Variants in LRRC7 observed in about 807,000 individuals in gnomAD.
The protein encoded by LRRC7 is leucine-rich repeat-containing protein 7.
LRRC7 carries 23 observed loss-of-function variants against 175.7 expected under a neutral mutation model. That is an observed-to-expected ratio of 0.13 (90% CI 0.09 to 0.19). LRRC7 has a LOEUF of 0.19. LRRC7 is among the 10% of genes least tolerant of loss of function. LRRC7 has a pLI of 1.00. For synonymous variants in LRRC7, 685 were observed against 680.9 expected (o/e 1.01, Z -0.09); for missense variants, 1,354 against 1,904.7 (o/e 0.71, Z 5.38).
chr1:70,131,533 T>C lies in LRRC7; in HGVS notation c.*9646T>C, dbSNP rs1287409396. Among the ~76,000 whole-genome samples, 1 of 152,258 alleles carries C rather than the reference T, an allele frequency of 6.6e-6. No homozygotes were observed. The highest frequency in any genetic ancestry group is 1.5e-5 in the Non-Finnish European group (1 of 68,046). On this transcript the variant is annotated 3_prime_UTR_variant, in exon 27 of 27. Transcript: ENST00000651989. ...TTAAATGTTTTGTCATTGACTCTTT[T>C]ACTTATACTATTAATATTAATTACT...
At chr1:69,854,087 G>A (rs910449976) in intron 7 of LRRC7, among the ~76,000 whole-genome samples, 16 of 152,222 alleles carry the variant, frequency 1.1e-4, no homozygotes, top group Admixed American at 3.9e-4. Flanking sequence ...TTTGAAACAA[G>A]GATAATTAAC....
intron 8 of LRRC7, among the ~76,000 whole-genome samples, chr1:69,955,838 A>G (rs1456309341): frequency 6.6e-6 from 1 of 151,992 alleles, no homozygotes; most frequent in Non-Finnish European, 1.5e-5. Context: ...TTATAATTTT[A>G]CTAAATTACA....
intron 8 of LRRC7, among the ~76,000 whole-genome samples, chr1:69,946,103 T>G (rs1649277822): frequency 6.6e-6 from 1 of 152,206 alleles, no homozygotes; most frequent in Non-Finnish European, 1.5e-5. Flanking sequence ...TGATGTTAGC[T>G]GTGGGCTTGT....
In LRRC7 at chr1:69,989,177, G is replaced by C. The variant is rs549764373; in HGVS notation, c.931+2791G>C. Among the ~76,000 whole-genome samples the C allele has an allele frequency of 2.6e-5, 4 of 152,170 alleles. No individual in the cohort carries two copies. The South Asian group carries it at 8.3e-4, about 32-fold the overall frequency. ...AAAACCTGAGCTATGACTAAAAATA[G>C]ATGGTTAAGAAAAAGAATCAATTAA... is the stretch of plus-strand genomic sequence containing the variant. On this transcript the variant is annotated intron_variant, in intron 10 of 26. Coordinates refer to ENST00000651989, the MANE Select transcript of LRRC7 (RefSeq NM_001370785.2).
At chr1:69,816,582 C>T (rs1375564949) in intron 4 of LRRC7, among the ~76,000 whole-genome samples, 1 of 152,190 alleles carries the variant, frequency 6.6e-6, no homozygotes, top group African/African-American at 2.4e-5. Flanking sequence ...ACATTTTTGA[C>T]AGTGTCCTTG....
chr1:69,611,051 C>T (rs950205794), intron 1 of LRRC7, among the ~76,000 whole-genome samples: 1 of 151,888 alleles, frequency 6.6e-6, no homozygotes, highest in African/African-American at 2.4e-5. Context: ...GGCAAGTAAA[C>T]ACATTGTGTT....
intron 8 of LRRC7, among the ~76,000 whole-genome samples, chr1:69,935,255 G>T (rs556106956): frequency 2.6e-5 from 4 of 152,128 alleles, no homozygotes; most frequent in African/African-American, 9.6e-5. Context: ...AAGAATAACT[G>T]GGGAGGACTA....
intron 11 of LRRC7, among the ~76,000 whole-genome samples, chr1:70,004,112 A>G (rs1655782634): frequency 1.3e-5 from 2 of 152,212 alleles, no homozygotes; most frequent in African/African-American, 4.8e-5. Context: ...TATGATAATG[A>G]TAGCTGCTTA....
chr1:70,078,792 A>ACG lies in LRRC7; in HGVS notation c.4452+2512_4452+2513dup, dbSNP rs141606062. Among the ~76,000 whole-genome samples, 294 of 146,660 alleles carry ACG rather than the reference A, an allele frequency of 2.0e-3. 1 individual carries two copies. Among genetic ancestry groups the ACG allele is most frequent in the Admixed American group, 0.011 (168 of 14,782 alleles). ...AGTCAAATAATACAGTTCTACATAT[A>ACG]CGCGCGCGCGCGCGCGCGCACACAC... On this transcript the variant is annotated intron_variant, in intron 24 of 26. Coordinates refer to ENST00000651989, the MANE Select transcript of LRRC7 (RefSeq NM_001370785.2).
chr1:69,669,478 A>T (rs21507), intron 1 of LRRC7, among the ~76,000 whole-genome samples: 111,281 of 152,040 alleles, frequency 0.73, 41,068 homozygotes, highest in African/African-American at 0.8. Context: ...GTTTTTTTGC[A>T]CTTGATGCTT....
chr1:69,591,572 A>G (rs1428552152), intron 1 of LRRC7, among the ~76,000 whole-genome samples: 3 of 152,042 alleles, frequency 2.0e-5, no homozygotes, highest in Non-Finnish European at 2.9e-5. Flanking sequence ...GCATTTATAA[A>G]TCTGGTCCTT....
chr1:70,138,722 A>G lies in LRRC7; in HGVS notation c.*16835A>G, dbSNP rs1189490575. The G allele has an allele frequency of 6.6e-6, 1 of 152,218 alleles. No homozygotes were observed. Among genetic ancestry groups the G allele is most frequent in the Non-Finnish European group, 1.5e-5 (1 of 68,036 alleles). 9.4% of individuals were successfully genotyped at this position (152,218 alleles called of 1,614,324 possible). A position where few individuals can be genotyped will look rare whatever the true frequency, so the allele number is the denominator to read the frequency against. On this transcript the variant is annotated 3_prime_UTR_variant, in exon 27 of 27. Transcript: ENST00000651989. ...TGCATAGATGTAGTAAAACCATTAA[A>G]TACAGTAGTATCTGGTGGCCTTTCT...
chr1:69,622,600 T>C (rs1022754326), intron 1 of LRRC7, among the ~76,000 whole-genome samples: 3 of 152,124 alleles, frequency 2.0e-5, no homozygotes, highest in Non-Finnish European at 2.9e-5. Flanking sequence ...ACACAAGACC[T>C]GAGGTAATGT....
rs760972258 is a variant in LRRC7 at position 69,781,913 on chromosome 1, G to GAAGAAAGA, written c.304-10109_304-10102dup. Among the ~76,000 whole-genome samples the GAAGAAAGA allele has an allele frequency of 8.1e-4, 55 of 68,070 alleles. 1 individual carries two copies. The highest frequency in any genetic ancestry group is 1.8e-3 in the East Asian group (3 of 1,632). 44.7% of individuals were successfully genotyped at this position (68,070 alleles called of 152,430 possible). A position where few individuals can be genotyped will look rare whatever the true frequency, so the allele number is the denominator to read the frequency against. ...AGGAAGGAAGGGAAAGAAAGAAAAA[G>GAAGAAAGA]AAGAAAGAAAGAAAGAAAGAAAGAA... is the stretch of plus-strand genomic sequence containing the variant. On this transcript the variant is annotated intron_variant, in intron 3 of 26. Coordinates refer to ENST00000651989, the MANE Select transcript of LRRC7 (RefSeq NM_001370785.2).
At chr1:69,944,113 A>G (rs531985278) in intron 8 of LRRC7, among the ~76,000 whole-genome samples, 110 of 152,052 alleles carry the variant, frequency 7.2e-4, no homozygotes, top group Non-Finnish European at 1.4e-3. Context: ...ACTTTTGCCC[A>G]TTGAACTGCA....
At chr1:69,746,482 A>AT (rs1300507922) in intron 2 of LRRC7, among the ~76,000 whole-genome samples, 6 of 151,986 alleles carry the variant, frequency 3.9e-5, no homozygotes, top group Non-Finnish European at 7.4e-5. Flanking sequence ...CTTATTGAAC[A>AT]TTTTTTTACC....
intron 23 of LRRC7, among the ~76,000 whole-genome samples, chr1:70,072,153 A>G (rs554538767): frequency 6.6e-6 from 1 of 152,212 alleles, no homozygotes; most frequent in Admixed American, 6.5e-5. Context: ...AATACATGTT[A>G]TTTTTTACAA....
intron 7 of LRRC7, among the ~76,000 whole-genome samples, chr1:69,917,828 G>A (rs1394672652): frequency 6.6e-6 from 1 of 152,014 alleles, no homozygotes; most frequent in African/African-American, 2.4e-5. Context: ...AATCCTTTGA[G>A]GTTGTATTGC....
chr1:70,042,053 T>C (rs1002494491), intron 21 of LRRC7, among the ~76,000 whole-genome samples: 1 of 152,238 alleles, frequency 6.6e-6, no homozygotes, highest in Admixed American at 6.5e-5. Flanking sequence ...GCAATTTCAA[T>C]GTACATTCAA....
Sources: gnomAD v4.1 joint callset for allele counts (sites outside exome capture counted in the v4.1 genomes callset) on GRCh38, gnomAD v4.1.1 for gene constraint, MANE v1.5 for transcripts, NCBI Gene and HGNC (gene_info 2026-07-23, HGNC 2026-07-21) for gene names.